TMCC1: variants seen among roughly 807,000 people sequenced by gnomAD.
TMCC1 encodes transmembrane and coiled-coil domains protein 1.
In TMCC1, 15 loss-of-function variants were observed where a neutral mutation model predicts 52.4. The ratio of observed to expected loss-of-function variants is 0.29; its 90% CI spans 0.19 to 0.44. The LOEUF is 0.44. TMCC1 is among the 20% of genes least tolerant of loss of function. The pLI is 1.00. For synonymous variants in TMCC1, 279 were observed against 301.9 expected (o/e 0.92, Z 0.79); for missense variants, 503 against 806.0 (o/e 0.62, Z 4.55).
chr3:129,679,211 T>C (rs1452079782), intron 4 of TMCC1, among the ~76,000 whole-genome samples: 1 of 152,228 alleles, frequency 6.6e-6, no homozygotes, highest in Admixed American at 6.5e-5. Flanking sequence ...TGGAGTGCTC[T>C]TCCCTCAGAC....
At chr3:129,794,184 C>T in intron 4 of TMCC1, 1 of 381,384 alleles carries the variant, frequency 2.6e-6, no homozygotes, top group Non-Finnish European at 5.1e-6. Context: ...GATAAAAGAA[C>T]AAAAGGCAGT....
At chr3:129,840,170 T>C (rs1421166911) in intron 2 of TMCC1, among the ~76,000 whole-genome samples, 1 of 151,104 alleles carries the variant, frequency 6.6e-6, no homozygotes, top group Non-Finnish European at 1.5e-5. Flanking sequence ...TCTACAAAAA[T>C]ACAAAATATA....
chr3:129,725,126 CTTTTT>C (rs1261877374), intron 4 of TMCC1, among the ~76,000 whole-genome samples: 1 of 151,940 alleles, frequency 6.6e-6, no homozygotes. Flanking sequence ...TTTTCTTTTT[CTTTTT>C]GAGACAGGGT....
At chr3:129,684,809 G>A (rs1268748959) in intron 4 of TMCC1, among the ~76,000 whole-genome samples, 1 of 152,218 alleles carries the variant, frequency 6.6e-6, no homozygotes, top group Non-Finnish European at 1.5e-5. Flanking sequence ...GAGAAAATTA[G>A]GAGCAGATAG....
intron 4 of TMCC1, among the ~76,000 whole-genome samples, chr3:129,725,422 T>C (rs2049995645): frequency 6.6e-6 from 1 of 152,106 alleles, no homozygotes; most frequent in Non-Finnish European, 1.5e-5. Context: ...TCGTACAATT[T>C]CTAATATAAT....
At chr3:129,891,521 T>A (rs9814273) in intron 1 of TMCC1, among the ~76,000 whole-genome samples, 5 of 152,210 alleles carry the variant, frequency 3.3e-5, no homozygotes, top group African/African-American at 1.2e-4. Context: ...GCAAAAGAGA[T>A]CATATGGCCC....
chr3:129,841,196 C>G (rs575699366), intron 2 of TMCC1, among the ~76,000 whole-genome samples: 155 of 152,342 alleles, frequency 1.0e-3, no homozygotes, highest in African/African-American at 3.4e-3. Context: ...CCCTAGAGAT[C>G]TGCGGAACTT....
chr3:129,789,637 T>G (rs945238162), intron 4 of TMCC1, among the ~76,000 whole-genome samples: 1 of 152,132 alleles, frequency 6.6e-6, no homozygotes, highest in Middle Eastern at 3.2e-3. Flanking sequence ...CCTGCAACCA[T>G]GCCCGGCTAA....
chr3:129,833,310 G>A (rs2059006129), intron 2 of TMCC1, among the ~76,000 whole-genome samples: 1 of 152,060 alleles, frequency 6.6e-6, no homozygotes, highest in African/African-American at 2.4e-5. Flanking sequence ...CAGGCATGAT[G>A]GCTCATGCCT....
intron 2 of TMCC1, among the ~76,000 whole-genome samples, chr3:129,846,720 T>C (rs925285652): frequency 5.9e-5 from 9 of 151,852 alleles, no homozygotes; most frequent in African/African-American, 1.9e-4. Context: ...TCAAGTTCAG[T>C]AGACATTTAT....
chr3:129,706,803 CATT>C (rs1241446458), intron 4 of TMCC1, among the ~76,000 whole-genome samples: 1 of 152,066 alleles, frequency 6.6e-6, no homozygotes, highest in African/African-American at 2.4e-5. Flanking sequence ...TCATTTATTT[CATT>C]ATTTTTTTAG....
chr3:129,777,817 T>C (rs1280519417), intron 4 of TMCC1, among the ~76,000 whole-genome samples: 5 of 152,232 alleles, frequency 3.3e-5, no homozygotes, highest in Non-Finnish European at 7.4e-5. Context: ...CTCAGAAATA[T>C]TAAACAAACA....
intron 4 of TMCC1, among the ~76,000 whole-genome samples, chr3:129,746,167 T>G (rs944133010): frequency 2.6e-5 from 4 of 151,818 alleles, no homozygotes; most frequent in African/African-American, 9.7e-5. Flanking sequence ...CTTTAAAAAC[T>G]GGTTTAATTT....
At chr3:129,869,141 G>C (rs540331159) in intron 2 of TMCC1, 1 of 152,186 alleles carries the variant, frequency 6.6e-6, no homozygotes, top group East Asian at 1.9e-4. Context: ...CAAGCGATTA[G>C]AGTATTGGAA....
intron 2 of TMCC1, among the ~76,000 whole-genome samples, chr3:129,878,447 T>G (rs2061323419): frequency 1.3e-5 from 2 of 152,156 alleles, no homozygotes; most frequent in Admixed American, 1.3e-4. Context: ...ACATATCCAA[T>G]CTATCAGCAA....
intron 1 of TMCC1, among the ~76,000 whole-genome samples, chr3:129,881,562 AT>A (rs766390447): frequency 3.5e-4 from 53 of 152,368 alleles, no homozygotes; most frequent in South Asian, 6.2e-4. Flanking sequence ...ACAAAGGGAC[AT>A]AAATGTTAAT....
At chr3:129,829,118 T>C (rs539110308) in intron 3 of TMCC1, among the ~76,000 whole-genome samples, 2 of 152,194 alleles carry the variant, frequency 1.3e-5, no homozygotes, top group African/African-American at 4.8e-5. Context: ...ATCCTGTAAG[T>C]TGAATTCTCT....
chr3:129,859,981 T>C (rs2060315409), intron 2 of TMCC1, among the ~76,000 whole-genome samples: 1 of 152,174 alleles, frequency 6.6e-6, no homozygotes, highest in Non-Finnish European at 1.5e-5. Context: ...CAATCGCCAA[T>C]GATAACTGAA....
intron 4 of TMCC1, among the ~76,000 whole-genome samples, chr3:129,824,562 T>C (rs1457409763): frequency 6.6e-6 from 1 of 152,178 alleles, no homozygotes; most frequent in Non-Finnish European, 1.5e-5. Flanking sequence ...AACTCAGTAT[T>C]GGGGGAAAGG....
Sources: allele counts gnomAD v4.1 joint callset (sites outside exome capture counted in the v4.1 genomes callset), GRCh38; gene constraint gnomAD v4.1.1; transcripts MANE v1.5; gene names NCBI Gene and HGNC (gene_info 2026-07-23, HGNC 2026-07-21).